Variants in UBR2 observed in about 807,000 individuals in gnomAD.
UBR2 encodes ubiquitin protein ligase E3 component n-recognin 2, also known as E3 ubiquitin-protein ligase UBR2.
Under a neutral mutation model 247.9 loss-of-function variants are expected in UBR2, and 92 were observed. That is an observed-to-expected ratio of 0.37 (90% confidence interval 0.31 to 0.44). UBR2 has a LOEUF of 0.44. Ranked by LOEUF, UBR2 falls within the 20% of genes least tolerant of loss-of-function variation. UBR2 has a pLI of 1.00. For synonymous variants in UBR2, 672 were observed against 693.5 expected, an observed-to-expected ratio of 0.97 and a Z score of 0.49; for missense variants, 1,613 against 2,112.6, an observed-to-expected ratio of 0.76 and a Z score of 4.64.
chr6:42,620,722 TG>T (rs1794934574), intron 11 of UBR2, among the ~76,000 whole-genome samples: 1 of 152,076 alleles, frequency 6.6e-6, no homozygotes, highest in South Asian at 2.1e-4. Flanking sequence ...CTCAAAGTGC[TG>T]GGATTACGGG....
intron 1 of UBR2, among the ~76,000 whole-genome samples, chr6:42,573,262 A>G (rs969058773): frequency 6.6e-6 from 1 of 152,210 alleles, no homozygotes; most frequent in African/African-American, 2.4e-5. Flanking sequence ...TTGCTTATCA[A>G]TCATTAAGAA....
chr6:42,586,537 TC>T (rs1299147295), intron 2 of UBR2, among the ~76,000 whole-genome samples: 1,854 of 98,168 alleles, frequency 0.019, 43 homozygotes, highest in African/African-American at 0.072. Flanking sequence ...AGTTTGTCTC[TC>T]TTTTTTTTTT....
In UBR2 at chr6:42,564,371, G is replaced by A. The variant is rs1158614151; in HGVS notation, c.52G>A (p.Glu18Lys). ...EVQAIDRSLL[E>K]CSAEEIAGKW... ...GCAGGCCATCGACCGGAGCTTGCTG[G>A]AATGTTCGGCCGAGGAGATTGCGGG... The change falls in exon 1 of 47, where the codon GAA becomes AAA. Residue 18 changes from glutamate (E) to lysine (K), a missense_variant. Physicochemically the swap from Glu to Lys is moderately conservative, Grantham distance 56 (BLOSUM62 1). Coordinates refer to ENST00000372901, the MANE Select transcript of UBR2 (RefSeq NM_001363705.2). 2 of 1,611,256 alleles carry A rather than the reference G, an allele frequency of 1.2e-6. No individual in the cohort carries two copies. Among genetic ancestry groups the A allele is most frequent in the Non-Finnish European group, 1.7e-6 (2 of 1,178,872 alleles).
rs573123024 is a variant in UBR2 at position 42,653,482 on chromosome 6, A to T, written c.2769+837A>T. On this transcript the variant is annotated intron_variant, in intron 25 of 46. Coordinates refer to ENST00000372901, the MANE Select transcript of UBR2 (RefSeq NM_001363705.2). ...CATGAATAGATACAACTTTTTTCTCATTGTTAGATGAGGAAGCCAAGTTTC... is the reference window on the plus strand; with the variant it reads ...CATGAATAGATACAACTTTTTTCTCTTTGTTAGATGAGGAAGCCAAGTTTC... Among the ~76,000 whole-genome samples, 8 of 152,070 alleles carry T rather than the reference A, an allele frequency of 5.3e-5. No homozygotes were observed. In the East Asian group the frequency reaches 1.5e-3, roughly 29 times the overall value.
At chr6:42,669,592 A>G (rs1219452035) in intron 34 of UBR2, among the ~76,000 whole-genome samples, 1 of 152,056 alleles carries the variant, frequency 6.6e-6, no homozygotes, top group Non-Finnish European at 1.5e-5. Flanking sequence ...TTAAATGTTT[A>G]TTAGTCCTTG....
At position 42,670,116 on chromosome 6, in the gene UBR2, A is replaced by G; in HGVS notation, c.3906A>G (p.Lys1302=). 6.2e-7 allele frequency: 1 copy of G among 1,614,208 alleles called. No individual in the cohort carries two copies. The highest frequency in any genetic ancestry group is 8.5e-7 in the Non-Finnish European group (1 of 1,180,018). The part of the protein sequence containing the change: ...RPKIPYSESI[K]EMLTTFGTAT... ...GGATCCCTTATTCTGAGAGCATAAA[A>G]GAAATGCTAACGACATTTGGAACTG... The change falls in exon 35 of 47, where the codon AAA becomes AAG. Residue 1302 remains lysine, a synonymous_variant. Transcript: ENST00000372901.
intron 11 of UBR2, among the ~76,000 whole-genome samples, chr6:42,627,655 A>G (rs886726059): frequency 6.6e-6 from 1 of 150,640 alleles, no homozygotes; most frequent in African/African-American, 2.4e-5. Flanking sequence ...GCGCCACTAC[A>G]CACCTGGCTA....
At chr6:42,640,420 GTGTGTGTGTGTGTGTA>G in intron 16 of UBR2, 150 bp downstream of exon 16, 5 of 441,796 alleles carry the variant, frequency 1.1e-5, no homozygotes, top group East Asian at 4.3e-5. Flanking sequence ...GTGTGTGTGT[GTGTGTGTGTGTGTGTA>G]TAGATACATA....
chr6:42,606,392 T>TA (rs1401452749), intron 6 of UBR2, among the ~76,000 whole-genome samples, 197 bp from the exon 7 acceptor site: 1 of 152,166 alleles, frequency 6.6e-6, no homozygotes, highest in Non-Finnish European at 1.5e-5. Flanking sequence ...TTCAAGGAAA[T>TA]ATTTATTAAT....
intron 7 of UBR2, among the ~76,000 whole-genome samples, chr6:42,609,389 A>G (rs549106539): frequency 1.3e-5 from 2 of 152,316 alleles, no homozygotes; most frequent in East Asian, 1.9e-4. Context: ...AAAAAAATCA[A>G]TGAAAGCTAA....
chr6:42,582,282 CAAAAA>C (rs397887989), intron 2 of UBR2, among the ~76,000 whole-genome samples: 1 of 85,886 alleles, frequency 1.2e-5, no homozygotes, highest in Non-Finnish European at 2.2e-5. Context: ...GACTCCGTCT[CAAAAA>C]AAAAAAAAAA....
At chr6:42,661,737 TCC>T (rs1797821703) in intron 30 of UBR2, among the ~76,000 whole-genome samples, 1 of 152,110 alleles carries the variant, frequency 6.6e-6, no homozygotes, top group African/African-American at 2.4e-5. Flanking sequence ...AGGCAGTCTG[TCC>T]TCTAGGGGGC....
chr6:42,631,208 C>G (rs1458501772), intron 11 of UBR2, among the ~76,000 whole-genome samples: 2 of 152,114 alleles, frequency 1.3e-5, no homozygotes, highest in African/African-American at 4.8e-5. Context: ...CTCTAGAATC[C>G]TAGGAGAGAT....
intron 1 of UBR2, among the ~76,000 whole-genome samples, chr6:42,566,168 A>C (rs1790767310): frequency 6.6e-6 from 1 of 152,028 alleles, no homozygotes; most frequent in Non-Finnish European, 1.5e-5. Context: ...TAAAAGTGCA[A>C]ACTATCAAGT....
At chr6:42,674,261 C>G in intron 38 of UBR2, 68 bp downstream of exon 38, 2 of 1,454,624 alleles carry the variant, frequency 1.4e-6, no homozygotes, top group Middle Eastern at 1.7e-4. Flanking sequence ...GTTTGGTGAG[C>G]AGTGTAGTGG....
chr6:42,593,700 G>A (rs1792804210), intron 3 of UBR2, among the ~76,000 whole-genome samples: 2 of 152,230 alleles, frequency 1.3e-5, no homozygotes, highest in African/African-American at 4.8e-5. Flanking sequence ...TCCTTTCAAA[G>A]AGTGGCTATT....
chr6:42,640,724 AT>A lies in UBR2; in HGVS notation c.1920+463del, dbSNP rs540095310. On this transcript the variant is annotated intron_variant, in intron 16 of 46. Transcript: ENST00000372901. ...TAATCTGCTTTACTCAGAGTCTATG[AT>A]TTTTTTTTATTTTTATTTTTTTGAG... Among the ~76,000 whole-genome samples the A allele has an allele frequency of 4.0e-3, 606 of 151,092 alleles. 1 individual carries two copies. Among genetic ancestry groups the A allele is most frequent in the African/African-American group, 0.014 (563 of 41,144 alleles).
intron 34 of UBR2, among the ~76,000 whole-genome samples, chr6:42,667,584 TGTC>T (rs1484811473): frequency 1.5e-5 from 2 of 137,152 alleles, no homozygotes; most frequent in African/African-American, 5.4e-5. Flanking sequence ...TGTACAGTTT[TGTC>T]TTTTTTTTTT....
In UBR2 at chr6:42,681,179, AAAAG is replaced by A. The variant is rs1308540879; in HGVS notation, c.4718+1353_4718+1356del. On this transcript the variant is annotated intron_variant, in intron 42 of 46. Transcript: ENST00000372901. ...CTCCGTCTCAAAAAAAAAAAAAAAA[AAAAG>A]AAAGACCAGCCTGGGTAACATGGCG... is the stretch of plus-strand genomic sequence containing the variant. 9.9e-5 allele frequency among the ~76,000 whole-genome samples: 15 copies of A among 151,110 alleles called. No individual in the cohort carries two copies. In the South Asian group the frequency reaches 1.5e-3, roughly 15 times the overall value.
Sources: allele counts gnomAD v4.1 joint callset (sites outside exome capture counted in the v4.1 genomes callset), GRCh38; gene constraint gnomAD v4.1.1; transcripts MANE v1.5; gene names NCBI Gene and HGNC (gene_info 2026-07-23, HGNC 2026-07-21).